The following GSTM5 variants were observed in gnomAD, a reference collection of about 807,000 sequenced individuals.
GSTM5 encodes the protein GST class-mu 5.
In GSTM5, 24 loss-of-function variants were observed where a neutral mutation model predicts 29.0. The ratio of observed to expected loss-of-function variants is 0.83; its 90% CI spans 0.60 to 1.16. GSTM5 has a LOEUF of 1.16. GSTM5 is among the 50% of genes most tolerant of loss of function. GSTM5 has a pLI of 0.00. For synonymous variants in GSTM5, 91 were observed against 93.6 expected (o/e 0.97, Z 0.16); for missense variants, 290 against 263.0 (o/e 1.10, Z -0.71).
At chr1:109,711,917 T>C (rs571192674), upstream of GSTM5, among the ~76,000 whole-genome samples, 5 of 123,254 alleles carry the variant, frequency 4.1e-5, no homozygotes, top group East Asian at 7.6e-4. Context: ...GCTGAGGGAT[T>C]CTGCGGGCAG....
At chr1:109,715,563 G>A (rs1342129807) in intron 7 of GSTM5, 21 of 1,342,654 alleles carry the variant, frequency 1.6e-5, no homozygotes, top group South Asian at 3.2e-5. Context: ...TGGCAGTCAG[G>A]GCTCTCCCAT....
chr1:109,713,818 G>C (rs1212098554), intron 5 of GSTM5, 57 bp downstream of exon 5: 1 of 1,500,580 alleles, frequency 6.7e-7, no homozygotes, highest in Non-Finnish European at 9.3e-7. Context: ...GCCCAGACCA[G>C]GGAGGGACTT....
At chr1:109,712,161 C>A (rs1030787186), upstream of GSTM5, 10 of 839,956 alleles carry the variant, frequency 1.2e-5, no homozygotes, top group Non-Finnish European at 1.6e-5. Context: ...CCCGGGCGCT[C>A]GCTCGGGGGC....
chr1:109,715,355 T>C (rs1648710486), intron 7 of GSTM5, 115 bp downstream of exon 7: 1 of 1,603,654 alleles, frequency 6.2e-7, no homozygotes, highest in South Asian at 1.1e-5. Context: ...GAGTACGGGC[T>C]TCATGCCAGG....
chr1:109,715,564 G>A, intron 7 of GSTM5: 1 of 1,339,288 alleles, frequency 7.5e-7, no homozygotes, highest in Non-Finnish European at 9.9e-7. Context: ...GGCAGTCAGG[G>A]CTCTCCCATT....
chr1:109,712,311 C>T lies in GSTM5; in HGVS notation c.-2C>T. The T allele has an allele frequency of 6.2e-7, 1 of 1,614,132 alleles. No homozygotes were observed. Among genetic ancestry groups the T allele is most frequent in the South Asian group, 1.1e-5 (1 of 91,076 alleles). On this transcript the variant is annotated 5_prime_UTR_variant, in exon 1 of 8. Coordinates refer to ENST00000256593, the MANE Select transcript of GSTM5 (RefSeq NM_000851.4). ...TCTGCAGAATCCGCACCAACCAGCA[C>T]CATGCCCATGACTCTGGGGTACTGG...
upstream of GSTM5, among the ~76,000 whole-genome samples, chr1:109,711,813 G>A (rs1403897339): frequency 6.6e-6 from 1 of 150,570 alleles, no homozygotes; most frequent in Non-Finnish European, 1.5e-5. Flanking sequence ...GACAGGGGCT[G>A]AATTAAATTC....
chr1:109,717,460 C>G lies in GSTM5; in HGVS notation c.*34C>G. 1 of 1,487,502 alleles carries G rather than the reference C, an allele frequency of 6.7e-7. No individual in the cohort carries two copies. The highest frequency in any genetic ancestry group is 1.4e-5 in the African/African-American group (1 of 72,508). The allele number at this position is 1,487,502 out of a possible 1,614,324, so 92.1% of individuals were successfully genotyped here. A position where few individuals can be genotyped will look rare whatever the true frequency, so the allele number is the denominator to read the frequency against. ...GATGCCAGAAGATGGGAGGGAGGAG[C>G]CAACCTTGCTGCCTGCGACCCTGGA... is the stretch of plus-strand genomic sequence containing the variant. On this transcript the variant is annotated 3_prime_UTR_variant, in exon 8 of 8. Transcript: ENST00000256593.
At chr1:109,712,186 G>A (rs1570648363), upstream of GSTM5, 3 of 1,029,954 alleles carry the variant, frequency 2.9e-6, no homozygotes, top group East Asian at 4.8e-5. Context: ...AGAATGGCGT[G>A]TTTCGGGGTT....
rs1203723612 is a variant in GSTM5, at chr1:109,714,979, C to T, written c.393C>T (p.Leu131=). The change falls in exon 6 of 8, where the codon CTC becomes CTT. Residue 131 remains leucine (L), a synonymous_variant. Coordinates refer to ENST00000256593, the MANE Select transcript of GSTM5 (RefSeq NM_000851.4). Reference sequence around the variant, plus strand: ...TGAAGCCAAAATACTTGGAGGAACTCCCTGAAAAGCTAAAGCTCTACTCAG... The same window carrying T: ...TGAAGCCAAAATACTTGGAGGAACTTCCTGAAAAGCTAAAGCTCTACTCAG... ...EKLKPKYLEE[L]PEKLKLYSEF... The T allele has an allele frequency of 6.2e-7, 1 of 1,614,260 alleles. No homozygotes were observed. Among genetic ancestry groups the T allele is most frequent in the Admixed American group, 1.7e-5 (1 of 60,030 alleles).
chr1:109,713,585 A>G lies in GSTM5; in HGVS notation c.259+20A>G, dbSNP rs1190267757. ...ACCTGTGTGAGTGTGGGTGGCTGCAATGTGCGGGGGGAAGGTGACCTCCTC... is the reference window on the plus strand; with the variant it reads ...ACCTGTGTGAGTGTGGGTGGCTGCAGTGTGCGGGGGGAAGGTGACCTCCTC... On this transcript the variant is annotated intron_variant, in intron 4 of 7. Transcript: ENST00000256593. The G allele has an allele frequency of 1.9e-6, 3 of 1,614,044 alleles. No individual in the cohort carries two copies. The highest frequency in any genetic ancestry group is 2.5e-6 in the Non-Finnish European group (3 of 1,180,018).
Position 109,717,597 on chromosome 1 carries a change from C to T in GSTM5, c.*171C>T, listed in dbSNP as rs139827543. On this transcript the variant is annotated 3_prime_UTR_variant, in exon 8 of 8. Coordinates refer to ENST00000256593, the MANE Select transcript of GSTM5 (RefSeq NM_000851.4). Reference sequence around the variant, plus strand: ...CTTCTAACATCATCCCTCCCCGCATCGAGGCTCTTTAAAGCTTCAGCTCCC... The same window carrying T: ...CTTCTAACATCATCCCTCCCCGCATTGAGGCTCTTTAAAGCTTCAGCTCCC... The T allele has an allele frequency of 4.2e-5, 24 of 565,488 alleles. No homozygotes were observed. Among genetic ancestry groups the T allele is most frequent in the African/African-American group, 2.5e-4 (13 of 53,000 alleles). 35.0% of individuals were successfully genotyped at this position (565,488 alleles called of 1,614,324 possible).
intron 5 of GSTM5, 30 bp downstream of exon 5, chr1:109,713,791 C>T (rs1342073913): frequency 6.3e-7 from 1 of 1,591,266 alleles, no homozygotes; most frequent in African/African-American, 1.3e-5. Context: ...CCCAGTCACC[C>T]ATTTCCCTGC....
intron 5 of GSTM5, 96 bp downstream of exon 5, chr1:109,713,857 C>A: frequency 1.1e-6 from 1 of 905,170 alleles, no homozygotes; most frequent in Non-Finnish European, 1.8e-6. Flanking sequence ...CAGACTCCGG[C>A]CAGCTGACTG....
At chr1:109,715,371 T>G (rs758876135) in intron 7 of GSTM5, 131 bp downstream of exon 7, 1 of 1,591,832 alleles carries the variant, frequency 6.3e-7, no homozygotes, top group Admixed American at 1.8e-5. Flanking sequence ...CCAGGAATCA[T>G]GCCCAGCACA....
chr1:109,716,985 G>A (rs899816860), intron 7 of GSTM5: 1 of 174,188 alleles, frequency 5.7e-6, no homozygotes, highest in Admixed American at 5.8e-5. Flanking sequence ...GTGTGAGGAA[G>A]TTGCTGAACT....
Position 109,717,559 on chromosome 1 carries a change from A to ATTGGCTTCCTTTCT in GSTM5, c.*135_*148dup. The stretch of plus-strand genomic sequence containing the variant: ...ACTCTCTTCTCTTCCCCAAGGCCTC[A>ATTGGCTTCCTTTCT]TTGGCTTCCTTTCTTCTAACATCAT... On this transcript the variant is annotated 3_prime_UTR_variant, in exon 8 of 8. Transcript: ENST00000256593. 6 of 653,912 alleles carry ATTGGCTTCCTTTCT rather than the reference A, an allele frequency of 9.2e-6. No homozygotes were observed. The highest frequency in any genetic ancestry group is 1.7e-5 in the Non-Finnish European group (6 of 360,640). The allele number at this position is 653,912 out of a possible 1,614,324, so 40.5% of individuals were successfully genotyped here.
At chr1:109,715,853 G>A (rs543000174) in intron 7 of GSTM5, 62 of 489,584 alleles carry the variant, frequency 1.3e-4, no homozygotes, top group South Asian at 8.4e-4. Context: ...GAAGCAGTGT[G>A]TGTTGAAGTG....
intron 7 of GSTM5, chr1:109,715,716 T>A: frequency 2.2e-6 from 1 of 449,892 alleles, no homozygotes; most frequent in Non-Finnish European, 4.0e-6. Flanking sequence ...TGTTGAGTAC[T>A]AAACCTGCAG....
Sources: allele counts gnomAD v4.1 joint callset (sites outside exome capture counted in the v4.1 genomes callset), GRCh38; gene constraint gnomAD v4.1.1; transcripts MANE v1.5; gene names NCBI Gene and HGNC (gene_info 2026-07-23, HGNC 2026-07-21).